The following PCDH15 variants were observed in gnomAD, a reference collection of about 807,000 sequenced individuals.
The protein encoded by PCDH15 is protocadherin-15.
PCDH15 carries 129 observed loss-of-function variants against 178.5 expected under a neutral mutation model. The ratio of observed to expected loss-of-function variants is 0.72; its 90% CI spans 0.63 to 0.84. PCDH15 has a LOEUF of 0.84. PCDH15 is among the 40% of genes least tolerant of loss of function. The pLI, the probability that PCDH15 is intolerant of heterozygous loss-of-function variation, is 0.00. For missense variants in PCDH15, 2,230 were observed against 2,099.9 expected (o/e 1.06, Z -1.21); for synonymous variants, 800 against 732.0 (o/e 1.09, Z -1.50).
Position 54,020,450 on chromosome 10 carries a change from C to T in PCDH15, c.2527-34G>A, listed in dbSNP as rs149539156. On this transcript the variant is annotated intron_variant, in intron 19 of 37. Transcript: ENST00000644397. ...AGCAGAAGAATAGTTTTATTAGTGA[C>T]GTTACCAAAATAAAGAAATGCAGGA... 4,536 of 1,592,714 alleles carry T rather than the reference C, an allele frequency of 2.8e-3. 15 individuals are homozygous for T. The highest frequency in any genetic ancestry group is 2.9e-3 in the Non-Finnish European group (3,388 of 1,161,776).
rs778355226 is a variant in PCDH15, at chr10:53,822,871, TTTTG to T, written c.4368-2645_4368-2642del. 2 of 1,613,990 alleles carry T rather than the reference TTTTG, an allele frequency of 1.2e-6. No homozygotes were observed. The highest frequency in any genetic ancestry group is 1.7e-6 in the Non-Finnish European group (2 of 1,179,984). ...GTAAGCAATGGATTGCTGCTACCTC[TTTTG>T]TTTGTACAGATTCCAGTGTTTTCAT... On this transcript the variant is annotated intron_variant, in intron 32 of 37. Coordinates refer to ENST00000644397, the MANE Select transcript of PCDH15 (RefSeq NM_001384140.1).
chr10:55,497,072 T>A (rs1840550915), intron 2 of PCDH15, among the ~76,000 whole-genome samples: 1 of 151,812 alleles, frequency 6.6e-6, no homozygotes, highest in South Asian at 2.1e-4. Flanking sequence ...TGAATTTAAA[T>A]AAAATATTAA....
At chr10:53,958,579 T>A (rs1401003962) in intron 23 of PCDH15, among the ~76,000 whole-genome samples, 1 of 152,048 alleles carries the variant, frequency 6.6e-6, no homozygotes, top group African/African-American at 2.4e-5. Context: ...GATAAGGACA[T>A]GGCAAAAAGG....
chr10:54,482,836 G>A (rs773368348), intron 3 of PCDH15, among the ~76,000 whole-genome samples: 3 of 151,798 alleles, frequency 2.0e-5, no homozygotes, highest in Non-Finnish European at 4.4e-5. Flanking sequence ...GTAGCCATTT[G>A]TAGCCCAGAA....
chr10:54,105,775 T>C (rs1485877773), intron 15 of PCDH15, among the ~76,000 whole-genome samples: 2 of 152,138 alleles, frequency 1.3e-5, no homozygotes, highest in Non-Finnish European at 2.9e-5. Flanking sequence ...AACACAGCAA[T>C]TCCATTCTTA....
chr10:55,158,078 GTA>G (rs1176916491), intron 2 of PCDH15, among the ~76,000 whole-genome samples: 1,230 of 117,150 alleles, frequency 0.01, 19 homozygotes, highest in African/African-American at 0.04. Context: ...GTATGTGTGT[GTA>G]TATATATATA....
intron 1 of PCDH15, among the ~76,000 whole-genome samples, chr10:55,190,189 A>G (rs1839905425): frequency 6.6e-6 from 1 of 151,816 alleles, no homozygotes; most frequent in Non-Finnish European, 1.5e-5. Flanking sequence ...ATTCAAGAAC[A>G]GACAAAACTA....
rs185936089 is a variant in PCDH15 at position 54,084,108 on chromosome 10, C to G, written c.1998-4684G>C. Among the ~76,000 whole-genome samples the G allele has an allele frequency of 4.0e-5, 6 of 149,740 alleles. No individual in the cohort carries two copies. In the Admixed American group the frequency reaches 4.0e-4, roughly 10 times the overall value. ...CTTTTTTTTTTTTATTTTTTTGAGA[C>G]AGAGTCTCTCTCTGTTGCCCAGGCT... On this transcript the variant is annotated intron_variant, in intron 16 of 37. Transcript: ENST00000644397.
At chr10:54,755,677 C>T (rs963947502) in intron 1 of PCDH15, among the ~76,000 whole-genome samples, 1 of 151,732 alleles carries the variant, frequency 6.6e-6, no homozygotes, top group East Asian at 1.9e-4. Context: ...TTAATCTAAT[C>T]ATGCTCATAC....
chr10:54,984,430 G>C (rs1839315967), intron 2 of PCDH15, among the ~76,000 whole-genome samples: 1 of 152,188 alleles, frequency 6.6e-6, no homozygotes, highest in Non-Finnish European at 1.5e-5. Context: ...GAGAAGCCAA[G>C]AATCTGAACA....
At chr10:54,731,593 C>CACACACAT (rs1232341758) in intron 1 of PCDH15, among the ~76,000 whole-genome samples, 3 of 130,230 alleles carry the variant, frequency 2.3e-5, no homozygotes, top group Admixed American at 1.5e-4. Context: ...CACACACACA[C>CACACACAT]ATATATATAT....
At chr10:54,285,078 A>G (rs1423181335) in intron 8 of PCDH15, among the ~76,000 whole-genome samples, 1 of 152,172 alleles carries the variant, frequency 6.6e-6, no homozygotes, top group African/African-American at 2.4e-5. Context: ...TTTTTCACCA[A>G]TTTTATTCAA....
chr10:55,606,883 C>T (rs1843231146), intron 2 of PCDH15, among the ~76,000 whole-genome samples: 1 of 145,866 alleles, frequency 6.9e-6, no homozygotes, highest in Admixed American at 6.9e-5. Context: ...CAACAAAAGC[C>T]AAAATTGACA....
intron 2 of PCDH15, among the ~76,000 whole-genome samples, chr10:54,596,999 G>T (rs2092274606): frequency 6.6e-6 from 1 of 151,998 alleles, no homozygotes. Context: ...ATAATACGGG[G>T]AAATTTTGAC....
chr10:54,828,260 A>G (rs1161208755), intron 3 of PCDH15, among the ~76,000 whole-genome samples: 6 of 151,894 alleles, frequency 4.0e-5, no homozygotes, highest in African/African-American at 1.4e-4. Flanking sequence ...AACATTCTAG[A>G]GTTGAAGAGA....
intron 2 of PCDH15, among the ~76,000 whole-genome samples, chr10:55,407,733 C>T (rs1031033759): frequency 6.6e-6 from 1 of 152,142 alleles, no homozygotes; most frequent in Non-Finnish European, 1.5e-5. Flanking sequence ...AGCATGTGTA[C>T]TGATTACTTA....
chr10:54,019,218 A>G (rs2092835385), intron 20 of PCDH15, among the ~76,000 whole-genome samples: 1 of 152,146 alleles, frequency 6.6e-6, no homozygotes, highest in African/African-American at 2.4e-5. Flanking sequence ...AAAAATTTTT[A>G]CAATGTACCA....
chr10:54,670,048 A>T (rs1191406242), intron 1 of PCDH15, among the ~76,000 whole-genome samples: 1 of 152,050 alleles, frequency 6.6e-6, no homozygotes, highest in African/African-American at 2.4e-5. Flanking sequence ...AGCAAGACAG[A>T]TTCCATTTCA....
intron 18 of PCDH15, among the ~76,000 whole-genome samples, chr10:54,061,483 TTA>T (rs2094011482): frequency 6.6e-6 from 1 of 152,206 alleles, no homozygotes; most frequent in Non-Finnish European, 1.5e-5. Flanking sequence ...TTCAGCTGGA[TTA>T]TATTTCATAT....
Sources: gnomAD v4.1 joint callset for allele counts (sites outside exome capture counted in the v4.1 genomes callset) on GRCh38, gnomAD v4.1.1 for gene constraint, MANE v1.5 for transcripts, NCBI Gene and HGNC (gene_info 2026-07-23, HGNC 2026-07-21) for gene names.